The following BLK variants were observed in gnomAD, a reference collection of about 807,000 sequenced individuals.
The protein encoded by BLK is BLK proto-oncogene, Src family tyrosine kinase.
Under a neutral mutation model 61.8 loss-of-function variants are expected in BLK, and 64 were observed. That is an observed-to-expected ratio of 1.03 (90% CI 0.85 to 1.27). The LOEUF (loss-of-function observed/expected upper bound fraction) is 1.27, where lower values mean the gene tolerates loss of function less well. Among genes scored for constraint, BLK ranks in the 50% most tolerant of loss-of-function variants. The pLI, the probability that BLK is intolerant of heterozygous loss-of-function variation, is 0.00. For missense variants in BLK, 853 were observed against 660.5 expected (o/e 1.29, Z -3.19); for synonymous variants, 351 against 272.0 (o/e 1.29, Z -2.86).
At chr8:11,513,400 G>A (rs1799099596) in intron 1 of BLK, among the ~76,000 whole-genome samples, 1 of 152,198 alleles carries the variant, frequency 6.6e-6, no homozygotes, top group African/African-American at 2.4e-5. Flanking sequence ...ATTCCTGATG[G>A]AGCCCTGTGT....
At position 11,495,306 on chromosome 8, in the gene BLK, C is replaced by A. The variant is rs185111885; in HGVS notation, c.-2+715C>A. Among the ~76,000 whole-genome samples the A allele has an allele frequency of 5.2e-5, 4 of 76,860 alleles. No individual in the cohort carries two copies. In the East Asian group the frequency reaches 1.2e-3, roughly 24 times the overall value. 50.4% of individuals were successfully genotyped at this position (76,860 alleles called of 152,430 possible). On this transcript the variant is annotated intron_variant, in intron 1 of 12. Coordinates refer to ENST00000259089, the MANE Select transcript of BLK (RefSeq NM_001715.3). ...ATTACCAAGGAACTAAGGAATTGTG[C>A]GTTTGCAGTAACAGAAGAAATTGCT...
intron 1 of BLK, among the ~76,000 whole-genome samples, chr8:11,536,210 C>G (rs983672880): frequency 2.6e-5 from 4 of 152,242 alleles, no homozygotes. Flanking sequence ...GAAACAAATG[C>G]AAAATATGGG....
intron 1 of BLK, among the ~76,000 whole-genome samples, chr8:11,495,525 G>A (rs1047002173): frequency 8.5e-5 from 13 of 152,312 alleles, no homozygotes; most frequent in African/African-American, 2.6e-4. Flanking sequence ...GAACTGCCAC[G>A]ACAGTGCGGT....
chr8:11,543,450 G>C, intron 2 of BLK, 103 bp downstream of exon 2: 2 of 1,484,356 alleles, frequency 1.3e-6, no homozygotes, highest in Non-Finnish European at 1.8e-6. Flanking sequence ...TTCCTGATAG[G>C]GATGTAACGA....
At chr8:11,525,370 G>C (rs1417648020) in intron 1 of BLK, among the ~76,000 whole-genome samples, 1 of 152,152 alleles carries the variant, frequency 6.6e-6, no homozygotes, top group Non-Finnish European at 1.5e-5. Flanking sequence ...ACTGTTAGTA[G>C]TTTGATTTTT....
At chr8:11,540,188 C>A (rs1800314464) in intron 1 of BLK, among the ~76,000 whole-genome samples, 1 of 151,740 alleles carries the variant, frequency 6.6e-6, no homozygotes. Context: ...CAGTCATACA[C>A]CTAGAATTTA....
chr8:11,550,255 C>G lies in BLK; in HGVS notation c.465C>G (p.Thr155=), dbSNP rs375035401. The change falls in exon 6 of 13, where the codon ACC becomes ACG. Residue 155 remains threonine, a synonymous_variant. Transcript: ENST00000259089. ...AGSFLIRESE[T]NKGAFSLSVK... ...CCTTTCTTATCAGAGAGAGTGAAACCAACAAAGGTAGGCTTGGTGGCTTTG... is the reference window on the plus strand; with the variant it reads ...CCTTTCTTATCAGAGAGAGTGAAACGAACAAAGGTAGGCTTGGTGGCTTTG... 9 of 1,613,774 alleles carry G rather than the reference C, an allele frequency of 5.6e-6. No homozygotes were observed. In the African/African-American group the frequency reaches 6.7e-5, roughly 12 times the overall value.
chr8:11,548,809 C>T (rs1216640644), intron 4 of BLK, among the ~76,000 whole-genome samples: 1 of 152,220 alleles, frequency 6.6e-6, no homozygotes, highest in African/African-American at 2.4e-5. Context: ...CTTGGCTGGT[C>T]AGGCTGTGTA....
Position 11,564,015 on chromosome 8 carries a change from C to T in BLK, c.1425C>T (p.Ser475=), listed in dbSNP as rs770844869. The change falls in exon 13 of 13, where the codon AGC becomes AGT. Residue 475 remains serine (S), a synonymous_variant. Coordinates refer to ENST00000259089, the MANE Select transcript of BLK (RefSeq NM_001715.3). ...YRGVIAECWR[S]RPEERPTFEF... ...GCGTCATCGCCGAGTGCTGGCGCAG[C>T]CGGCCCGAGGAGCGGCCCACCTTCG... 2 of 1,605,134 alleles carry T rather than the reference C, an allele frequency of 1.2e-6. No homozygotes were observed. The highest frequency in any genetic ancestry group is 1.7e-6 in the Non-Finnish European group (2 of 1,179,046).
intron 1 of BLK, among the ~76,000 whole-genome samples, chr8:11,502,949 C>A (rs1798623266): frequency 1.3e-5 from 2 of 152,210 alleles, no homozygotes; most frequent in South Asian, 4.1e-4. Flanking sequence ...CTGCCAGCCA[C>A]TGTGGGGTTC....
chr8:11,564,276 A>C lies in BLK; in HGVS notation c.*168A>C. Reference sequence around the variant, plus strand: ...AGGGGGTCCCCGGACGGACTCCTTCACCGACTGCACCCCCGGGCGAGTTAC... The same window carrying C: ...AGGGGGTCCCCGGACGGACTCCTTCCCCGACTGCACCCCCGGGCGAGTTAC... On this transcript the variant is annotated 3_prime_UTR_variant, in exon 13 of 13. Transcript: ENST00000259089. The C allele has an allele frequency of 1.2e-6, 1 of 820,596 alleles. No individual in the cohort carries two copies. The highest frequency in any genetic ancestry group is 2.0e-6 in the Non-Finnish European group (1 of 496,156). 50.8% of individuals were successfully genotyped at this position (820,596 alleles called of 1,614,324 possible). A position where few individuals can be genotyped will look rare whatever the true frequency, so the allele number is the denominator to read the frequency against.
At chr8:11,556,565 GGC>G in intron 8 of BLK, 91 bp from the exon 9 acceptor site, 2 of 1,462,880 alleles carry the variant, frequency 1.4e-6, no homozygotes, top group Non-Finnish European at 1.9e-6. Context: ...GGAATGGGGT[GGC>G]ACCTGGGCAC....
chr8:11,540,090 A>G (rs1399685192), intron 1 of BLK, among the ~76,000 whole-genome samples: 2 of 151,942 alleles, frequency 1.3e-5, no homozygotes, highest in South Asian at 2.1e-4. Context: ...TGGGTATTTT[A>G]TCTTTGTTAG....
chr8:11,544,873 G>A (rs1437472876), intron 2 of BLK, among the ~76,000 whole-genome samples: 1 of 152,054 alleles, frequency 6.6e-6, no homozygotes, highest in Admixed American at 6.5e-5. Context: ...ACACCAAAAC[G>A]CACACTTGTA....
chr8:11,559,748 A>G (rs11783065), intron 10 of BLK: 182,492 of 455,448 alleles, frequency 0.4, 39,984 homozygotes, highest in Non-Finnish European at 0.49. Flanking sequence ...CCACCCCTCT[A>G]CCTCCTCTGC....
intron 10 of BLK, chr8:11,559,116 AC>A (rs1371603361): frequency 5.0e-6 from 2 of 396,208 alleles, no homozygotes; most frequent in Non-Finnish European, 5.1e-6. Flanking sequence ...TCCCCACTAC[AC>A]CCCCTTGGGA....
intron 8 of BLK, chr8:11,556,455 T>C: frequency 3.1e-6 from 2 of 649,368 alleles, no homozygotes; most frequent in Non-Finnish European, 5.5e-6. Flanking sequence ...CAGGGTACAT[T>C]CCTCCACTGC....
At chr8:11,535,071 G>C (rs182143291) in intron 1 of BLK, among the ~76,000 whole-genome samples, 4 of 151,944 alleles carry the variant, frequency 2.6e-5, no homozygotes, top group Non-Finnish European at 5.9e-5. Context: ...CTAGCTACTC[G>C]GGAGGTTGAG....
At chr8:11,556,057 C>A in intron 8 of BLK, 1 of 232,282 alleles carries the variant, frequency 4.3e-6, no homozygotes. Context: ...TCCATGAGTG[C>A]TCCCTTACCT....
Sources: gnomAD v4.1 joint callset for allele counts (sites outside exome capture counted in the v4.1 genomes callset) on GRCh38, gnomAD v4.1.1 for gene constraint, MANE v1.5 for transcripts, NCBI Gene and HGNC (gene_info 2026-07-23, HGNC 2026-07-21) for gene names.